The following RBL1 variants were observed in gnomAD, a reference collection of about 807,000 sequenced individuals.
The protein encoded by RBL1 is RB transcriptional corepressor like 1.
In RBL1, 82 loss-of-function variants were observed where a neutral mutation model predicts 123.0. The ratio of observed to expected loss-of-function variants is 0.67; its 90% CI spans 0.56 to 0.80. The LOEUF (loss-of-function observed/expected upper bound fraction) is 0.80, where lower values mean the gene tolerates loss of function less well. RBL1 is among the 30% of genes least tolerant of loss of function. The pLI is 0.00. For missense variants in RBL1, 1,171 were observed against 1,299.6 expected (o/e 0.90, Z 1.52); for synonymous variants, 405 against 441.3 (o/e 0.92, Z 1.03).
chr20:37,062,073 G>A lies in RBL1; in HGVS notation c.1083+11C>T. 6.2e-7 allele frequency: 1 copy of A among 1,607,910 alleles called. No homozygotes were observed. Among genetic ancestry groups the A allele is most frequent in the South Asian group, 1.1e-5 (1 of 90,338 alleles). ...ATCATTCAAGATTGAGGCCAGGCTA[G>A]GTTATATTACTTTTTCAAAGTGCTG... On this transcript the variant is annotated intron_variant, in intron 8 of 21. Coordinates refer to ENST00000373664, the MANE Select transcript of RBL1 (RefSeq NM_002895.5).
chr20:37,035,394 T>A lies in RBL1; in HGVS notation c.2018A>T (p.Lys673Met). The A allele has an allele frequency of 6.2e-7, 1 of 1,614,164 alleles. No homozygotes were observed. Among genetic ancestry groups the A allele is most frequent in the Non-Finnish European group, 8.5e-7 (1 of 1,180,008 alleles). ...CAATTTTGTTCCTTCTGTTATGATC[T>A]TGTCCATAAGCATTTCCTTTGGGGG... Reference protein sequence around the residue: ...EDPPKEMLMDKIITEGTKLKI... With the variant: ...EDPPKEMLMDMIITEGTKLKI... The change falls in exon 15 of 22, where the codon AAG (lysine) becomes ATG (methionine). Residue 673 changes from lysine to methionine, a missense_variant. Coordinates refer to ENST00000373664, the MANE Select transcript of RBL1 (RefSeq NM_002895.5).
chr20:37,020,557 TG>T (rs2064325947), intron 18 of RBL1, 101 bp downstream of exon 18: 7 of 796,586 alleles, frequency 8.8e-6, no homozygotes, highest in Non-Finnish European at 1.4e-5. Context: ...ACAGAAAATC[TG>T]AAGTATATTA....
At chr20:37,036,284 T>G (rs950896737) in intron 14 of RBL1, among the ~76,000 whole-genome samples, 4 of 152,180 alleles carry the variant, frequency 2.6e-5, no homozygotes, top group Non-Finnish European at 5.9e-5. Context: ...ACAAAAGTAT[T>G]TATTTATTTA....
intron 9 of RBL1, among the ~76,000 whole-genome samples, chr20:37,056,991 T>TCTA (rs1568864506): frequency 7.5e-5 from 11 of 145,906 alleles, no homozygotes; most frequent in East Asian, 6.8e-4. Flanking sequence ...CTCTATTTCT[T>TCTA]TCTATCTATC....
chr20:37,011,953 C>T (rs2064155714), intron 19 of RBL1, among the ~76,000 whole-genome samples: 1 of 152,252 alleles, frequency 6.6e-6, no homozygotes, highest in Non-Finnish European at 1.5e-5. Flanking sequence ...CTGCTGCCAT[C>T]TCGGCTCACT....
chr20:37,031,881 G>A (rs1305581225), intron 16 of RBL1, among the ~76,000 whole-genome samples: 2 of 150,480 alleles, frequency 1.3e-5, no homozygotes, highest in Admixed American at 6.6e-5. Context: ...CAAGACTATA[G>A]GCATCTGCCA....
chr20:37,074,877 C>T (rs1259207981), intron 2 of RBL1, among the ~76,000 whole-genome samples: 1 of 152,076 alleles, frequency 6.6e-6, no homozygotes, highest in Non-Finnish European at 1.5e-5. Flanking sequence ...CCACTCCTCT[C>T]CATATATATC....
At chr20:37,017,561 G>C (rs1448977800) in intron 19 of RBL1, among the ~76,000 whole-genome samples, 1 of 151,728 alleles carries the variant, frequency 6.6e-6, no homozygotes, top group African/African-American at 2.4e-5. Context: ...AGAGGGTGCA[G>C]TCTTGCCTGT....
intron 2 of RBL1, among the ~76,000 whole-genome samples, chr20:37,085,755 G>A (rs959596651): frequency 2.1e-5 from 3 of 141,860 alleles, no homozygotes; most frequent in Admixed American, 7.7e-5. Flanking sequence ...CTGGGTTCAC[G>A]CCATACTCCC....
intron 2 of RBL1, among the ~76,000 whole-genome samples, chr20:37,085,382 C>T (rs966147224): frequency 2.0e-5 from 3 of 151,714 alleles, no homozygotes; most frequent in South Asian, 2.1e-4. Flanking sequence ...GTGATCCACC[C>T]GCCTCAGCCT....
At chr20:37,024,112 GA>G (rs1323735993) in intron 16 of RBL1, among the ~76,000 whole-genome samples, 4 of 150,180 alleles carry the variant, frequency 2.7e-5, no homozygotes, top group Non-Finnish European at 5.9e-5. Flanking sequence ...TTTCCAGATG[GA>G]AAAAAAAAGT....
Position 37,047,198 on chromosome 20 carries a change from A to G in RBL1, c.1468-8T>C. On this transcript the variant is annotated splice_polypyrimidine_tract_variant and splice_region_variant and intron_variant, in intron 11 of 21. Transcript: ENST00000373664. ...ATCTTGCTCTAAAAGAACCTGGGGG[A>G]AGAGAAAGACCACAGTTTAATATTT... 6.3e-7 allele frequency: 1 copy of G among 1,577,814 alleles called. No homozygotes were observed. The highest frequency in any genetic ancestry group is 8.5e-7 in the Non-Finnish European group (1 of 1,171,564).
chr20:37,064,974 T>C (rs1299221489), intron 7 of RBL1, among the ~76,000 whole-genome samples: 2 of 149,014 alleles, frequency 1.3e-5, no homozygotes, highest in Non-Finnish European at 3.0e-5. Flanking sequence ...CTCTGTCACC[T>C]AGACTGAAGT....
chr20:37,066,658 A>AT, intron 6 of RBL1, 66 bp downstream of exon 6: 8 of 1,474,780 alleles, frequency 5.4e-6, no homozygotes, highest in South Asian at 2.5e-5. Context: ...TGCTTAAAAC[A>AT]TTTTTTTCTT....
chr20:37,089,153 G>A (rs201610956), intron 1 of RBL1, 31 bp from the exon 2 acceptor site: 12 of 1,553,162 alleles, frequency 7.7e-6, no homozygotes, highest in Non-Finnish European at 1.0e-5. Context: ...AGCAAAACAG[G>A]TATAATATTA....
chr20:37,084,927 G>A (rs530118963), intron 2 of RBL1, among the ~76,000 whole-genome samples: 4 of 151,728 alleles, frequency 2.6e-5, no homozygotes, highest in South Asian at 2.1e-4. Flanking sequence ...CACCATGCCC[G>A]ACTAATTTTT....
At chr20:37,036,067 CT>C (rs1440482656) in intron 14 of RBL1, among the ~76,000 whole-genome samples, 2 of 152,136 alleles carry the variant, frequency 1.3e-5, no homozygotes, top group Non-Finnish European at 2.9e-5. Context: ...GTTGGCAGTA[CT>C]GTGTTGATCA....
At chr20:37,059,064 C>T (rs925738649) in intron 9 of RBL1, among the ~76,000 whole-genome samples, 5 of 152,076 alleles carry the variant, frequency 3.3e-5, no homozygotes, top group South Asian at 4.1e-4. Context: ...GATTTTTTTT[C>T]TTTTGCATTC....
intron 20 of RBL1, 91 bp from the exon 21 acceptor site, chr20:37,003,957 G>A: frequency 8.6e-7 from 1 of 1,169,546 alleles, no homozygotes. Context: ...CTTCTAGTTA[G>A]AAAACAGTTA....
Sources: gnomAD v4.1 joint callset for allele counts (sites outside exome capture counted in the v4.1 genomes callset) on GRCh38, gnomAD v4.1.1 for gene constraint, MANE v1.5 for transcripts, NCBI Gene and HGNC (gene_info 2026-07-23, HGNC 2026-07-21) for gene names.